SLC38A6: variants seen among roughly 807,000 people sequenced by gnomAD.
SLC38A6 encodes the protein solute carrier family 38 member 6.
SLC38A6 carries 73 observed loss-of-function variants against 65.0 expected under a neutral mutation model. The observed-to-expected ratio is 1.12, with a 90% CI of 0.93 to 1.37. The LOEUF (loss-of-function observed/expected upper bound fraction) is 1.37. Among genes scored for constraint, SLC38A6 ranks in the 40% most tolerant of loss-of-function variants. SLC38A6 has a pLI of 0.00. For missense variants in SLC38A6, 561 were observed against 531.1 expected (o/e 1.06, Z -0.55); for synonymous variants, 183 against 178.8 (o/e 1.02, Z -0.19).
At chr14:61,070,927 C>G (rs534707887) in intron 15 of SLC38A6, among the ~76,000 whole-genome samples, 2 of 152,186 alleles carry the variant, frequency 1.3e-5, no homozygotes, top group Admixed American at 6.5e-5. Context: ...GTAGTTCCTT[C>G]TATATTTTGT....
At chr14:61,064,864 T>C (rs1831822550) in intron 15 of SLC38A6, among the ~76,000 whole-genome samples, 1 of 152,092 alleles carries the variant, frequency 6.6e-6, no homozygotes, top group African/African-American at 2.4e-5. Flanking sequence ...ATAAATTACT[T>C]TCGTATGTTG....
intron 3 of SLC38A6, among the ~76,000 whole-genome samples, chr14:60,989,027 T>G (rs901143928): frequency 1.3e-5 from 2 of 152,190 alleles, no homozygotes; most frequent in African/African-American, 4.8e-5. Flanking sequence ...GAGATTGCTT[T>G]TTTATATCTT....
chr14:61,048,200 A>G (rs573148381), intron 12 of SLC38A6: 1 of 451,410 alleles, frequency 2.2e-6, no homozygotes, highest in Admixed American at 2.4e-5. Context: ...TGAACCTGAG[A>G]TCTTATAAGG....
At chr14:60,990,956 T>TC (rs566591683) in intron 3 of SLC38A6, among the ~76,000 whole-genome samples, 132 of 152,342 alleles carry the variant, frequency 8.7e-4, no homozygotes, top group African/African-American at 3.0e-3. Flanking sequence ...TGCTTGGGAT[T>TC]ACAGGCATGA....
rs111557338 is a variant in SLC38A6 at position 61,071,471 on chromosome 14, C to T, written c.1291-7339C>T. On this transcript the variant is annotated intron_variant, in intron 15 of 16. Transcript: ENST00000354886. ...CTGAGGTGAGTGGATCACTCGAGCC[C>T]AGAAATTCAAGACCAGCCTGGGCAA... Among the ~76,000 whole-genome samples the T allele has an allele frequency of 7.7e-3, 1,168 of 151,994 alleles. 17 individuals are homozygous for T. Among genetic ancestry groups the T allele is most frequent in the African/African-American group, 0.027 (1,100 of 41,462 alleles).
At chr14:61,004,478 G>C (rs1382352435) in intron 3 of SLC38A6, 1 of 152,114 alleles carries the variant, frequency 6.6e-6, no homozygotes, top group Admixed American at 6.6e-5. Flanking sequence ...GAACCAAATA[G>C]ACGCAATAAA....
At chr14:61,022,508 A>C (rs1213167550) in intron 5 of SLC38A6, among the ~76,000 whole-genome samples, 1 of 150,598 alleles carries the variant, frequency 6.6e-6, no homozygotes, top group African/African-American at 2.4e-5. Context: ...TAAATAAGTT[A>C]ATCGTACAAT....
At chr14:61,067,752 C>T (rs1594782696) in intron 15 of SLC38A6, among the ~76,000 whole-genome samples, 1 of 151,998 alleles carries the variant, frequency 6.6e-6, no homozygotes, top group Non-Finnish European at 1.5e-5. Context: ...TACACATATA[C>T]ATACATACAT....
intron 3 of SLC38A6, among the ~76,000 whole-genome samples, chr14:61,012,416 C>A (rs1469981942): frequency 6.6e-6 from 1 of 151,852 alleles, no homozygotes; most frequent in Admixed American, 6.6e-5. Context: ...TTATTTCTTG[C>A]CTTCTGCTAG....
intron 3 of SLC38A6, chr14:60,987,225 G>A (rs1178834805): frequency 2.1e-5 from 4 of 186,570 alleles, no homozygotes; most frequent in Middle Eastern, 1.0e-3. Context: ...AGTATAATAC[G>A]TAACTAACTC....
chr14:61,033,238 G>A (rs986089406), intron 6 of SLC38A6, among the ~76,000 whole-genome samples: 4 of 151,732 alleles, frequency 2.6e-5, no homozygotes, highest in Non-Finnish European at 5.9e-5. Context: ...CATTCCTTTC[G>A]AGAATGAAAT....
chr14:61,066,326 C>A (rs936685485), intron 15 of SLC38A6, among the ~76,000 whole-genome samples: 1 of 152,066 alleles, frequency 6.6e-6, no homozygotes, highest in Non-Finnish European at 1.5e-5. Context: ...CCTAAACAAT[C>A]TGATAAATGT....
At chr14:61,070,202 A>T (rs2043184502) in intron 15 of SLC38A6, among the ~76,000 whole-genome samples, 1 of 152,004 alleles carries the variant, frequency 6.6e-6, no homozygotes. Flanking sequence ...TTGAACAGCA[A>T]CTCCCTATTT....
rs768794934 is a variant in SLC38A6, at chr14:61,043,480, A to AAGCTCTTTCAGC, written c.731_732insGCAGCTCTTTCA (p.Phe243_His244insGlnGlnLeuPhe). On this transcript the variant is annotated inframe_insertion, in exon 10 of 16. Transcript: ENST00000267488. ...AAATGTTACAGATGATTGTAAGCCA[A>AAGCTCTTTCAGC]AGCTCTTTCATTTCTCCAAAGAGGT... 6.2e-7 allele frequency: 1 copy of AAGCTCTTTCAGC among 1,608,420 alleles called. No individual in the cohort carries two copies. The highest frequency in any genetic ancestry group is 8.5e-7 in the Non-Finnish European group (1 of 1,177,948).
chr14:61,048,751 T>C (rs2042319207), intron 12 of SLC38A6, among the ~76,000 whole-genome samples: 1 of 152,170 alleles, frequency 6.6e-6, no homozygotes, highest in Admixed American at 6.5e-5. Flanking sequence ...TGATTACAGC[T>C]GTGAAAGGAA....
intron 15 of SLC38A6, among the ~76,000 whole-genome samples, chr14:61,063,962 C>T (rs1182962204): frequency 2.0e-5 from 3 of 152,218 alleles, no homozygotes; most frequent in African/African-American, 7.2e-5. Context: ...TGTCCATTCC[C>T]TTATCTGGAC....
chr14:61,082,496 C>G (rs191898803), intron 16 of SLC38A6, among the ~76,000 whole-genome samples: 73 of 152,310 alleles, frequency 4.8e-4, no homozygotes, highest in African/African-American at 1.7e-3. Context: ...GTACTCACTC[C>G]CAGAACCCTT....
chr14:61,052,043 G>A lies in SLC38A6; in HGVS notation c.1198G>A (p.Ala400Thr), dbSNP rs759026167. The change falls in exon 15 of 16, where the codon GCC becomes ACC. Residue 400 changes from alanine to threonine, a missense_variant and splice_region_variant. Ala to Thr is a moderately conservative substitution (Grantham distance 58). Coordinates refer to ENST00000267488, the MANE Select transcript of SLC38A6 (RefSeq NM_153811.3). ...TTTTTTTTCCCTCCACTTTAAAGGT[G>A]CCAGTACATCAACATGTTTGATTTT... is the stretch of plus-strand genomic sequence containing the variant. ...DIRNVFGVVG[A>T]STSTCLIFIF... The A allele has an allele frequency of 1.3e-6, 2 of 1,599,758 alleles. No homozygotes were observed. Among genetic ancestry groups the A allele is most frequent in the Admixed American group, 3.5e-5 (2 of 56,694 alleles).
chr14:61,012,434 A>ATGTGTT (rs2039651201), intron 3 of SLC38A6, among the ~76,000 whole-genome samples: 1 of 151,946 alleles, frequency 6.6e-6, no homozygotes, highest in Non-Finnish European at 1.5e-5. Context: ...TAGCTTTTGA[A>ATGTGTT]TGTGTTTGCT....
Sources: gnomAD v4.1 joint callset for allele counts (sites outside exome capture counted in the v4.1 genomes callset) on GRCh38, gnomAD v4.1.1 for gene constraint, MANE v1.5 for transcripts, NCBI Gene and HGNC (gene_info 2026-07-23, HGNC 2026-07-21) for gene names.